Variants in RIMS2 observed in about 807,000 individuals in gnomAD.
The protein encoded by RIMS2 is regulating synaptic membrane exocytosis 2.
A neutral mutation model predicts 174.4 loss-of-function variants in RIMS2; 59 were observed. That is an observed-to-expected ratio of 0.34 (90% confidence interval 0.27 to 0.42). The LOEUF (loss-of-function observed/expected upper bound fraction) is 0.42, where lower values mean the gene tolerates loss of function less well. Among genes scored for constraint, RIMS2 ranks in the 10% least tolerant of loss-of-function variants. RIMS2 has a pLI of 1.00. For synonymous variants in RIMS2, 606 were observed against 572.5 expected (o/e 1.06, Z -0.84); for missense variants, 1,620 against 1,666.3 (o/e 0.97, Z 0.48).
chr8:103,880,807 G>A, intron 3 of RIMS2: 1 of 373,638 alleles, frequency 2.7e-6, no homozygotes. Flanking sequence ...TATAGAAACG[G>A]GCCTTTGTTT....
At chr8:103,513,478 T>C (rs1035666726) in intron 1 of RIMS2, among the ~76,000 whole-genome samples, 1 of 152,218 alleles carries the variant, frequency 6.6e-6, no homozygotes. Flanking sequence ...CTATAAGATA[T>C]GTAACTCTTA....
chr8:103,576,275 C>A (rs540409444), intron 1 of RIMS2, among the ~76,000 whole-genome samples: 11 of 152,202 alleles, frequency 7.2e-5, no homozygotes, highest in Middle Eastern at 3.4e-3. Flanking sequence ...ACGGTGGCAG[C>A]AACATGGCAG....
At chr8:104,030,289 C>T in intron 19 of RIMS2, among the ~76,000 whole-genome samples, 1 of 152,026 alleles carries the variant, frequency 6.6e-6, no homozygotes, top group East Asian at 1.9e-4. Context: ...AGTTCAAGAC[C>T]AGCCTGAGCA....
chr8:103,931,105 T>C (rs1020538434), intron 11 of RIMS2, among the ~76,000 whole-genome samples, 158 bp from the exon 14 acceptor site: 4 of 152,170 alleles, frequency 2.6e-5, no homozygotes, highest in Non-Finnish European at 5.9e-5. Context: ...GAAGTTATTA[T>C]AGTATATCCT....
chr8:103,677,813 CA>C (rs559052389), intron 1 of RIMS2, among the ~76,000 whole-genome samples: 6 of 149,764 alleles, frequency 4.0e-5, no homozygotes, highest in Non-Finnish European at 7.4e-5. Flanking sequence ...GATTCGTGGA[CA>C]AAAAAAAAGA....
intron 3 of RIMS2, among the ~76,000 whole-genome samples, chr8:103,834,052 C>T (rs1407207624): frequency 2.0e-5 from 3 of 151,782 alleles, no homozygotes; most frequent in Admixed American, 6.6e-5. Flanking sequence ...CTCTGTTGCC[C>T]AGGTTGAAGT....
At chr8:104,159,673 A>G (rs2098748879) in intron 19 of RIMS2, among the ~76,000 whole-genome samples, 1 of 152,064 alleles carries the variant, frequency 6.6e-6, no homozygotes, top group African/African-American at 2.4e-5. Flanking sequence ...TTCCCTAATG[A>G]TTAGTGGTAT....
At chr8:104,094,245 A>G (rs1028722127) in intron 19 of RIMS2, among the ~76,000 whole-genome samples, 23 of 151,964 alleles carry the variant, frequency 1.5e-4, no homozygotes, top group Non-Finnish European at 2.5e-4. Context: ...ACCTTTTTTC[A>G]TGTAATTTTG....
chr8:104,127,783 C>T (rs2132712036), intron 19 of RIMS2, among the ~76,000 whole-genome samples: 1 of 151,920 alleles, frequency 6.6e-6, no homozygotes, highest in African/African-American at 2.4e-5. Flanking sequence ...CCCTCAAAGA[C>T]AAAACTTATA....
intron 17 of RIMS2, among the ~76,000 whole-genome samples, chr8:103,991,841 AC>A (rs1412019920): frequency 1.3e-5 from 2 of 152,148 alleles, no homozygotes; most frequent in Non-Finnish European, 2.9e-5. Context: ...AACCTCTTTG[AC>A]ACTTGATTTT....
chr8:104,148,854 A>G lies in RIMS2; in HGVS notation c.3335-96062A>G. On this transcript the variant is annotated intron_variant, in intron 19 of 23. Coordinates refer to ENST00000504942, the Ensembl canonical transcript of RIMS2. ...TTCTCAGCTCAGCCAAACGGGTAGGAATTTCAATGTTACTTTTAACTTGAT... is the reference window on the plus strand; with the variant it reads ...TTCTCAGCTCAGCCAAACGGGTAGGGATTTCAATGTTACTTTTAACTTGAT... 6.3e-7 allele frequency: 1 copy of G among 1,595,112 alleles called. No individual in the cohort carries two copies. Among genetic ancestry groups the G allele is most frequent in the African/African-American group, 1.3e-5 (1 of 74,964 alleles).
At chr8:103,792,712 A>C (rs979556686) in intron 3 of RIMS2, among the ~76,000 whole-genome samples, 9 of 151,912 alleles carry the variant, frequency 5.9e-5, no homozygotes, top group African/African-American at 2.2e-4. Context: ...AAAAGAGAGA[A>C]GAATCAAATA....
chr8:103,652,510 A>G (rs113578101), intron 1 of RIMS2, 114 bp from the exon 3 acceptor site: 8 of 500,348 alleles, frequency 1.6e-5, no homozygotes, highest in African/African-American at 2.0e-5. Context: ...TGGAGCTCAC[A>G]TTACCATTGG....
intron 19 of RIMS2, among the ~76,000 whole-genome samples, chr8:104,163,607 G>A (rs969044963): frequency 2.0e-5 from 3 of 152,170 alleles, no homozygotes; most frequent in Non-Finnish European, 2.9e-5. Flanking sequence ...GAGGAAGAGA[G>A]GCAGTAGTTT....
At chr8:103,584,383 A>G (rs2093787032) in intron 1 of RIMS2, among the ~76,000 whole-genome samples, 1 of 152,166 alleles carries the variant, frequency 6.6e-6, no homozygotes, top group South Asian at 2.1e-4. Context: ...TGAGCAATAA[A>G]TAATCACCTG....
chr8:104,122,633 T>A (rs1224014757), intron 19 of RIMS2, among the ~76,000 whole-genome samples: 2 of 152,208 alleles, frequency 1.3e-5, no homozygotes, highest in Admixed American at 1.3e-4. Context: ...GGCCTGAAAT[T>A]GGCCTGAAGC....
chr8:103,572,286 G>C (rs559337525), intron 1 of RIMS2, among the ~76,000 whole-genome samples: 2 of 152,208 alleles, frequency 1.3e-5, no homozygotes, highest in Non-Finnish European at 2.9e-5. Flanking sequence ...AAGGGGACCT[G>C]AGCGGGTTGC....
At chr8:104,036,883 A>G (rs2096529641) in intron 19 of RIMS2, among the ~76,000 whole-genome samples, 1 of 152,164 alleles carries the variant, frequency 6.6e-6, no homozygotes, top group Non-Finnish European at 1.5e-5. Context: ...TCTAAAAACA[A>G]AAAAGTAAAT....
chr8:103,677,310 G>A (rs532073529), intron 1 of RIMS2, among the ~76,000 whole-genome samples: 5 of 152,026 alleles, frequency 3.3e-5, no homozygotes, highest in Non-Finnish European at 7.4e-5. Flanking sequence ...ACTCCTGAAA[G>A]CTGGAGTTCA....
Sources: allele counts gnomAD v4.1 joint callset (sites outside exome capture counted in the v4.1 genomes callset), GRCh38; gene constraint gnomAD v4.1.1; transcripts MANE v1.5; gene names NCBI Gene and HGNC (gene_info 2026-07-23, HGNC 2026-07-21).